FRMD4A: variants seen among roughly 807,000 people sequenced by gnomAD.
FRMD4A encodes the protein FERM domain-containing protein 4A.
In FRMD4A, 29 loss-of-function variants were observed where a neutral mutation model predicts 129.1. The ratio of observed to expected loss-of-function variants is 0.22; its 90% CI spans 0.17 to 0.31. The LOEUF (loss-of-function observed/expected upper bound fraction) is 0.31, where lower values mean the gene tolerates loss of function less well. FRMD4A is among the 10% of genes least tolerant of loss of function. The pLI, the probability that FRMD4A is intolerant of heterozygous loss-of-function variation, is 1.00. For synonymous variants in FRMD4A, 634 were observed against 571.6 expected (o/e 1.11, Z -1.56); for missense variants, 1,272 against 1,375.8 (o/e 0.92, Z 1.19).
At chr10:13,697,508 C>T (rs1474359860) in intron 14 of FRMD4A, among the ~76,000 whole-genome samples, 13 of 152,086 alleles carry the variant, frequency 8.5e-5, no homozygotes, top group South Asian at 2.1e-4. Context: ...GGGAGAGGAC[C>T]GGGAGGACAT....
At chr10:14,049,501 G>T (rs1209430022) in intron 2 of FRMD4A, among the ~76,000 whole-genome samples, 1 of 152,184 alleles carries the variant, frequency 6.6e-6, no homozygotes, top group Non-Finnish European at 1.5e-5. Flanking sequence ...CAGCCCAACT[G>T]TGTCCTTCCA....
At chr10:14,309,501 G>C (rs1184449176) in intron 2 of FRMD4A, among the ~76,000 whole-genome samples, 1 of 152,084 alleles carries the variant, frequency 6.6e-6, no homozygotes, top group Non-Finnish European at 1.5e-5. Flanking sequence ...ACCGTATAGA[G>C]TCACCAAAGA....
At chr10:14,287,503 A>G (rs1199503213) in intron 2 of FRMD4A, among the ~76,000 whole-genome samples, 1 of 152,218 alleles carries the variant, frequency 6.6e-6, no homozygotes, top group East Asian at 1.9e-4. Context: ...AATATTTCAA[A>G]AGATAACAAA....
intron 2 of FRMD4A, among the ~76,000 whole-genome samples, chr10:13,878,822 G>GGGAAGGAAGGAAGGAA (rs71388126): frequency 0.099 from 13,977 of 140,712 alleles, 831 homozygotes; most frequent in Admixed American, 0.14. Flanking sequence ...GAGGGAGGGA[G>GGGAAGGAAGGAAGGAA]GGAAGGAAGG....
chr10:13,922,040 A>AG (rs2131260963), intron 2 of FRMD4A, among the ~76,000 whole-genome samples: 1 of 152,282 alleles, frequency 6.6e-6, no homozygotes, highest in South Asian at 2.1e-4. Context: ...AAGAGGAAGA[A>AG]GAGAGATCAG....
chr10:14,216,087 C>T (rs533536683), intron 2 of FRMD4A, among the ~76,000 whole-genome samples: 6 of 152,232 alleles, frequency 3.9e-5, no homozygotes, highest in Admixed American at 6.5e-5. Context: ...TGCTTTTGGA[C>T]GGGAACTCTA....
chr10:14,089,732 G>A (rs948430838), intron 2 of FRMD4A, among the ~76,000 whole-genome samples: 2 of 151,930 alleles, frequency 1.3e-5, no homozygotes, highest in Non-Finnish European at 2.9e-5. Flanking sequence ...TCCCCGGCCC[G>A]TAGAGAGACG....
At chr10:13,989,228 C>T (rs908916469) in intron 2 of FRMD4A, among the ~76,000 whole-genome samples, 1 of 152,076 alleles carries the variant, frequency 6.6e-6, no homozygotes. Context: ...ATCAGGGGTC[C>T]TGGTGTTTTT....
chr10:13,984,588 G>T (rs1254259117), intron 2 of FRMD4A, among the ~76,000 whole-genome samples: 1 of 152,076 alleles, frequency 6.6e-6, no homozygotes, highest in Non-Finnish European at 1.5e-5. Flanking sequence ...GTCCCTGTCG[G>T]TTTGACAATT....
chr10:14,226,575 G>A (rs1404318077), intron 2 of FRMD4A, among the ~76,000 whole-genome samples: 1 of 152,246 alleles, frequency 6.6e-6, no homozygotes, highest in Non-Finnish European at 1.5e-5. Context: ...TTCTGGGCTG[G>A]TAGATGGCCA....
At chr10:13,965,206 T>C (rs1210885419) in intron 2 of FRMD4A, among the ~76,000 whole-genome samples, 1 of 152,106 alleles carries the variant, frequency 6.6e-6, no homozygotes, top group Non-Finnish European at 1.5e-5. Flanking sequence ...TAGAAATGGC[T>C]TCCAGCAAGA....
In FRMD4A at chr10:13,930,697, T is replaced by C. The variant is rs111989690; in HGVS notation, c.46-71785A>G. 2.4e-3 allele frequency among the ~76,000 whole-genome samples: 371 copies of C among 152,276 alleles called. 3 individuals are homozygous for C. Among genetic ancestry groups the C allele is most frequent in the African/African-American group, 8.6e-3 (357 of 41,550 alleles). ...AGAAAACGTCGTTTGAGGGAAAGAATGCTTAAATAGGAATATAACAGTGTA... is the reference window on the plus strand; with the variant it reads ...AGAAAACGTCGTTTGAGGGAAAGAACGCTTAAATAGGAATATAACAGTGTA... On this transcript the variant is annotated intron_variant, in intron 2 of 24. Coordinates refer to ENST00000357447, the MANE Select transcript of FRMD4A (RefSeq NM_018027.5).
intron 2 of FRMD4A, among the ~76,000 whole-genome samples, chr10:14,240,341 G>C (rs1451588459): frequency 6.6e-6 from 1 of 152,146 alleles, no homozygotes; most frequent in African/African-American, 2.4e-5. Context: ...CCCGGTGTGT[G>C]CGTGACATTT....
At chr10:14,311,864 C>T (rs1846561524) in intron 2 of FRMD4A, among the ~76,000 whole-genome samples, 1 of 152,082 alleles carries the variant, frequency 6.6e-6, no homozygotes, top group African/African-American at 2.4e-5. Context: ...CCTTTTGTTA[C>T]TCAAGTTTTA....
intron 3 of FRMD4A, among the ~76,000 whole-genome samples, chr10:13,817,128 A>G (rs1210347034): frequency 6.6e-6 from 1 of 152,200 alleles, no homozygotes; most frequent in Non-Finnish European, 1.5e-5. Context: ...CAGTGGCACC[A>G]CTCACAGAGC....
intron 15 of FRMD4A, among the ~76,000 whole-genome samples, chr10:13,689,633 G>A (rs766244007): frequency 1.2e-4 from 18 of 148,416 alleles, no homozygotes; most frequent in South Asian, 4.2e-4. Flanking sequence ...GCTCACTACA[G>A]CCTTGAACTC....
chr10:13,866,053 C>A (rs1411242039), intron 2 of FRMD4A, among the ~76,000 whole-genome samples: 1 of 152,156 alleles, frequency 6.6e-6, no homozygotes, highest in Admixed American at 6.5e-5. Flanking sequence ...TTCTGATATT[C>A]ATTTTTGAGA....
chr10:13,804,452 C>T (rs11258627), intron 4 of FRMD4A, among the ~76,000 whole-genome samples: 69,019 of 152,080 alleles, frequency 0.45, 15,958 homozygotes, highest in East Asian at 0.65. Flanking sequence ...ACAGCACAGA[C>T]CCAAGCTCGC....
intron 6 of FRMD4A, among the ~76,000 whole-genome samples, chr10:13,777,770 G>A (rs1314189147): frequency 6.7e-6 from 1 of 148,884 alleles, no homozygotes; most frequent in Admixed American, 6.8e-5. Flanking sequence ...CCAAGCGTCT[G>A]CCCAAGTAGG....
Sources: gnomAD v4.1 joint callset for allele counts (sites outside exome capture counted in the v4.1 genomes callset) on GRCh38, gnomAD v4.1.1 for gene constraint, MANE v1.5 for transcripts, NCBI Gene and HGNC (gene_info 2026-07-23, HGNC 2026-07-21) for gene names.